SLC12A1: variants seen among roughly 807,000 people sequenced by gnomAD.
SLC12A1 encodes solute carrier family 12 member 1, also known as Na-K-2Cl cotransporter.
SLC12A1 carries 89 observed loss-of-function variants against 130.4 expected under a neutral mutation model. The observed-to-expected ratio is 0.68, with a 90% CI of 0.58 to 0.81. The LOEUF (loss-of-function observed/expected upper bound fraction) is 0.81, where lower values mean the gene tolerates loss of function less well. SLC12A1 is among the 40% of genes least tolerant of loss of function. SLC12A1 has a pLI of 0.00. For synonymous variants in SLC12A1, 499 were observed against 460.0 expected (o/e 1.08, Z -1.09); for missense variants, 1,310 against 1,336.4 (o/e 0.98, Z 0.31).
intron 26 of SLC12A1, 125 bp downstream of exon 26, chr15:48,301,507 G>A (rs926793244): frequency 1.9e-6 from 1 of 534,738 alleles, no homozygotes; most frequent in East Asian, 4.7e-5. Flanking sequence ...TTTTTTGGGG[G>A]GGGGAACACG....
intron 18 of SLC12A1, among the ~76,000 whole-genome samples, chr15:48,268,520 G>C (rs954320323): frequency 6.6e-6 from 1 of 152,144 alleles, no homozygotes; most frequent in East Asian, 1.9e-4. Context: ...ACTCAGATGC[G>C]CATGCAGGCA....
intron 9 of SLC12A1, among the ~76,000 whole-genome samples, chr15:48,240,052 T>TATC (rs1555466574): frequency 3.0e-5 from 1 of 32,880 alleles, no homozygotes; most frequent in Non-Finnish European, 8.1e-5. Context: ...TATATATCCA[T>TATC]ATATATATAT....
intron 6 of SLC12A1, among the ~76,000 whole-genome samples, chr15:48,229,581 C>T (rs1009038328): frequency 6.6e-6 from 1 of 152,112 alleles, no homozygotes; most frequent in African/African-American, 2.4e-5. Flanking sequence ...GCTAATAATA[C>T]TGTTATATGT....
chr15:48,302,752 G>T lies in SLC12A1; in HGVS notation c.3167G>T (p.Ser1056Ile), dbSNP rs2042249984. Residue 1056 changes from serine (S) to isoleucine (I), a missense_variant and splice_region_variant, in exon 27 of 27, where the codon AGC becomes ATC. By Grantham distance (142) the Ser-to-Ile change is moderately radical. Coordinates refer to ENST00000380993, the MANE Select transcript of SLC12A1 (RefSeq NM_000338.3). ...AAATTTTTCCTTCATGTCATTAGGA[G>T]CCTTCCCGTGGCAAGAAAGGGATCC... ...HSRAANLIVL[S>I]LPVARKGSIS... 6.2e-7 allele frequency: 1 copy of T among 1,605,118 alleles called. No homozygotes were observed.
intron 17 of SLC12A1, among the ~76,000 whole-genome samples, chr15:48,266,894 C>T (rs893483164): frequency 1.3e-5 from 2 of 152,144 alleles, no homozygotes; most frequent in African/African-American, 2.4e-5. Context: ...ATCACAACAC[C>T]TGTCTTCTTC....
At chr15:48,276,273 GTCC>G (rs2041952426) in intron 20 of SLC12A1, among the ~76,000 whole-genome samples, 1 of 152,164 alleles carries the variant, frequency 6.6e-6, no homozygotes, top group Admixed American at 6.5e-5. Context: ...CAGTTAGACA[GTCC>G]TCATCATAAA....
Position 48,258,293 on chromosome 15 carries a change from G to A in SLC12A1, c.2043-907G>A, listed in dbSNP as rs897595357. Among the ~76,000 whole-genome samples the A allele has an allele frequency of 3.5e-4, 24 of 69,210 alleles. 3 individuals carry two copies. Among genetic ancestry groups the A allele is most frequent in the African/African-American group, 1.4e-3 (6 of 4,206 alleles). The allele number at this position is 69,210 out of a possible 152,430, so 45.4% of individuals were successfully genotyped here. On this transcript the variant is annotated intron_variant, in intron 16 of 26. Transcript: ENST00000380993. ...GGAGAATGGCGTGAACCCGGGAGGC[G>A]GAGCTTGCAGTGAGCCGAGATCCCG... is the stretch of plus-strand genomic sequence containing the variant.
intron 20 of SLC12A1, among the ~76,000 whole-genome samples, chr15:48,275,697 T>G (rs1265359263): frequency 6.6e-6 from 1 of 152,122 alleles, no homozygotes; most frequent in Non-Finnish European, 1.5e-5. Flanking sequence ...GAATGGAATA[T>G]GTAGACAACC....
Position 48,235,009 on chromosome 15 carries a change from G to A in SLC12A1, c.1215+5G>A, listed in dbSNP as rs554414818. 1.1e-5 allele frequency: 18 copies of A among 1,613,632 alleles called. No individual in the cohort carries two copies. The East Asian group carries it at 2.2e-4, about 20-fold the overall frequency. ...AATATCTCAGGAGATTTGGAGGTAC[G>A]TTGTTTGCTCTGCTTTGCAGTCCTG... is the stretch of plus-strand genomic sequence containing the variant. On this transcript the variant is annotated splice_donor_5th_base_variant and intron_variant, in intron 9 of 26. Transcript: ENST00000380993.
intron 9 of SLC12A1, among the ~76,000 whole-genome samples, chr15:48,236,281 T>C (rs1459360854): frequency 6.6e-6 from 1 of 152,138 alleles, no homozygotes; most frequent in Non-Finnish European, 1.5e-5. Flanking sequence ...ACTGAACAAA[T>C]AATTGTTAAG....
chr15:48,230,522 A>C lies in SLC12A1; in HGVS notation c.975+19A>C, dbSNP rs201453536. 9 of 1,508,642 alleles carry C rather than the reference A, an allele frequency of 6.0e-6. No individual in the cohort carries two copies. The highest frequency in any genetic ancestry group is 8.3e-6 in the Non-Finnish European group (9 of 1,090,766). The allele number at this position is 1,508,642 out of a possible 1,614,324, so 93.5% of individuals were successfully genotyped here. On this transcript the variant is annotated intron_variant, in intron 7 of 26. Coordinates refer to ENST00000380993, the MANE Select transcript of SLC12A1 (RefSeq NM_000338.3). ...GGCAAAGGTAAATTTCTCAAAAATGATATTATCAACAGTGGCTGGTCAGGT... is the reference window on the plus strand; with the variant it reads ...GGCAAAGGTAAATTTCTCAAAAATGCTATTATCAACAGTGGCTGGTCAGGT...
At chr15:48,297,082 G>T (rs1251399086) in intron 24 of SLC12A1, among the ~76,000 whole-genome samples, 1 of 152,112 alleles carries the variant, frequency 6.6e-6, no homozygotes, top group Non-Finnish European at 1.5e-5. Context: ...CTTGATCTAG[G>T]TTAATTTTGT....
intron 18 of SLC12A1, among the ~76,000 whole-genome samples, chr15:48,268,256 A>G (rs1181696075): frequency 6.6e-6 from 1 of 151,724 alleles, no homozygotes; most frequent in African/African-American, 2.4e-5. Context: ...TTTTTCCCTT[A>G]TTTTTTCCTT....
At chr15:48,249,551 T>A in intron 13 of SLC12A1, 24 bp from the exon 14 acceptor site, 1 of 1,568,738 alleles carries the variant, frequency 6.4e-7, no homozygotes, top group Non-Finnish European at 8.8e-7. Context: ...CATACGTACA[T>A]GTTCAATTCT....
At chr15:48,213,093 G>A (rs1478615822) in intron 2 of SLC12A1, among the ~76,000 whole-genome samples, 1 of 152,128 alleles carries the variant, frequency 6.6e-6, no homozygotes, top group African/African-American at 2.4e-5. Flanking sequence ...AGAAAACAAA[G>A]GCTTGCAAAA....
Position 48,227,407 on chromosome 15 carries a change from G to A in SLC12A1, c.724+836G>A, listed in dbSNP as rs978916549. The A allele has an allele frequency of 7.2e-6, 4 of 554,918 alleles. No homozygotes were observed. The South Asian group carries it at 8.4e-5, about 12-fold the overall frequency. 34.4% of individuals were successfully genotyped at this position (554,918 alleles called of 1,614,324 possible). A position where few individuals can be genotyped will look rare whatever the true frequency, so the allele number is the denominator to read the frequency against. On this transcript the variant is annotated intron_variant, in intron 5 of 26. Transcript: ENST00000380993. ...TGTTTATAAAGTGGAGAGTGACTAT[G>A]TGTCTAGTAAGAAGGTATGGAATAT...
At chr15:48,292,751 C>T (rs1319851410) in intron 24 of SLC12A1, among the ~76,000 whole-genome samples, 1 of 152,182 alleles carries the variant, frequency 6.6e-6, no homozygotes, top group East Asian at 1.9e-4. Flanking sequence ...CCTATAAGGG[C>T]ACTAATCCTA....
At chr15:48,229,365 A>G (rs1422652840) in intron 6 of SLC12A1, 37 bp downstream of exon 6, 1 of 1,559,574 alleles carries the variant, frequency 6.4e-7, no homozygotes, top group Non-Finnish European at 8.7e-7. Context: ...GCCAAGCAGC[A>G]TAATTTAGTT....
At chr15:48,229,137 T>C in intron 5 of SLC12A1, 52 bp from the exon 6 acceptor site, 2 of 1,535,538 alleles carry the variant, frequency 1.3e-6, no homozygotes, top group Non-Finnish European at 1.8e-6. Context: ...AATCGTTTGG[T>C]TATATAAACT....
Sources: gnomAD v4.1 joint callset for allele counts (sites outside exome capture counted in the v4.1 genomes callset) on GRCh38, gnomAD v4.1.1 for gene constraint, MANE v1.5 for transcripts, NCBI Gene and HGNC (gene_info 2026-07-23, HGNC 2026-07-21) for gene names.